Variants in IQCH observed in about 807,000 individuals in gnomAD.
IQCH encodes IQ motif containing H, also known as IQ domain-containing protein H.
In IQCH, 98 loss-of-function variants were observed where a neutral mutation model predicts 117.0. That is an observed-to-expected ratio of 0.84 (90% confidence interval 0.71 to 0.99). The LOEUF (loss-of-function observed/expected upper bound fraction) is 0.99, where lower values mean the gene tolerates loss of function less well. Ranked by LOEUF, IQCH falls within the 50% of genes least tolerant of loss-of-function variation. The probability of loss-of-function intolerance (pLI) is 0.00; values close to 1 mark genes in which losing one functional copy is unlikely to be tolerated. For synonymous variants in IQCH, 412 were observed against 448.2 expected (o/e 0.92, Z 1.02); for missense variants, 1,102 against 1,243.8 (o/e 0.89, Z 1.72).
chr15:67,460,310 A>G (rs971927422), intron 16 of IQCH, among the ~76,000 whole-genome samples: 3 of 152,316 alleles, frequency 2.0e-5, no homozygotes, highest in African/African-American at 7.2e-5. Context: ...TGCTAATGTT[A>G]ACACTGGCTG....
At position 67,500,112 on chromosome 15, in the gene IQCH, A is replaced by G. The variant is rs892959651; in HGVS notation, c.2971-521A>G. On this transcript the variant is annotated intron_variant, in intron 20 of 20. Coordinates refer to ENST00000335894, the MANE Select transcript of IQCH (RefSeq NM_001031715.3). The surrounding 1 kb of genome is among the most constrained non-coding windows in gnomAD (Gnocchi z 4.4). ...ACTTTATAAGGGTGAATTTTATGGTATGGGAATTGTACTTCAATAAAATAT... is the reference window on the plus strand; with the variant it reads ...ACTTTATAAGGGTGAATTTTATGGTGTGGGAATTGTACTTCAATAAAATAT... 6.6e-6 allele frequency among the ~76,000 whole-genome samples: 1 copy of G among 152,204 alleles called. No individual in the cohort carries two copies. Among genetic ancestry groups the G allele is most frequent in the Non-Finnish European group, 1.5e-5 (1 of 68,026 alleles).
chr15:67,360,897 C>T (rs1304369054), intron 8 of IQCH, among the ~76,000 whole-genome samples: 1 of 152,242 alleles, frequency 6.6e-6, no homozygotes, highest in Non-Finnish European at 1.5e-5. Flanking sequence ...CTCTTACGTC[C>T]CTTGACGTCT....
chr15:67,423,307 T>C (rs976352432), intron 16 of IQCH, among the ~76,000 whole-genome samples: 2 of 152,116 alleles, frequency 1.3e-5, no homozygotes, highest in East Asian at 3.9e-4. Context: ...GGCTCATGCC[T>C]GTAATCCCAG....
In IQCH at chr15:67,416,964, G is replaced by A; in HGVS notation, c.2131G>A (p.Ala711Thr). Residue 711 changes from alanine to threonine, a missense_variant, in exon 15 of 21, where the codon GCG becomes ACG. Ala to Thr is a moderately conservative substitution (Grantham distance 58). Transcript: ENST00000335894. The surrounding 1 kb of genome is among the most constrained non-coding windows in gnomAD (Gnocchi z 5.1). ...PALVKISEEL[A>T]GILAQHAQPV... ...TTTGGTGAAGATCTCTGAGGAGCTG[G>A]CGGGCATTTTAGCACAGCACGCACA... is the stretch of plus-strand genomic sequence containing the variant. The A allele has an allele frequency of 2.5e-6, 4 of 1,608,280 alleles. No homozygotes were observed. Among genetic ancestry groups the A allele is most frequent in the Non-Finnish European group, 2.5e-6 (3 of 1,177,494 alleles).
At position 67,386,442 on chromosome 15, in the gene IQCH, T is replaced by C. The variant is rs577003849; in HGVS notation, c.1456+1423T>C. ...TTCTTGGTATATAGTCTTCATGATA[T>C]AGCAAGGCAATCATAAAAAGTCTTC... On this transcript the variant is annotated intron_variant, in intron 11 of 20. Coordinates refer to ENST00000335894, the MANE Select transcript of IQCH (RefSeq NM_001031715.3). The surrounding 1 kb of genome is among the most constrained non-coding windows in gnomAD (Gnocchi z 5.0). Among the ~76,000 whole-genome samples, 3 of 152,328 alleles carry C rather than the reference T, an allele frequency of 2.0e-5. No individual in the cohort carries two copies. Among genetic ancestry groups the C allele is most frequent in the East Asian group, 3.9e-4 (2 of 5,192 alleles).
chr15:67,261,755 T>C (rs945849503), intron 2 of IQCH, among the ~76,000 whole-genome samples: 7 of 152,140 alleles, frequency 4.6e-5, no homozygotes, highest in Non-Finnish European at 7.3e-5. Context: ...GCCTGACCAA[T>C]ATATTGCAGA....
At chr15:67,312,348 GA>G in intron 4 of IQCH, among the ~76,000 whole-genome samples, 2 of 152,222 alleles carry the variant, frequency 1.3e-5, no homozygotes, top group Middle Eastern at 3.4e-3. Context: ...ATTATTCTGA[GA>G]AGGGGTCTGT....
intron 15 of IQCH, among the ~76,000 whole-genome samples, chr15:67,418,057 G>A (rs2081620930): frequency 6.6e-6 from 1 of 152,076 alleles, no homozygotes; most frequent in South Asian, 2.1e-4. Flanking sequence ...TATGAGGTGG[G>A]CACCATTATC....
In IQCH at chr15:67,384,896, C is replaced by T; in HGVS notation, c.1373-40C>T. 1 of 1,263,530 alleles carries T rather than the reference C, an allele frequency of 7.9e-7. No individual in the cohort carries two copies. Among genetic ancestry groups the T allele is most frequent in the Non-Finnish European group, 1.2e-6 (1 of 861,684 alleles). The allele number at this position is 1,263,530 out of a possible 1,614,324, so 78.3% of individuals were successfully genotyped here. ...CTCTTGTGCCATTTTGCTATATCGACTTGCTCTTTCTGTGTTTTGACACCT... is the reference window on the plus strand; with the variant it reads ...CTCTTGTGCCATTTTGCTATATCGATTTGCTCTTTCTGTGTTTTGACACCT... On this transcript the variant is annotated intron_variant, in intron 10 of 20. Transcript: ENST00000335894. This position sits in a 1 kb window ranked among gnomAD's most constrained non-coding sequence, Gnocchi z 4.3.
chr15:67,462,924 A>G (rs1471275843), intron 16 of IQCH, among the ~76,000 whole-genome samples: 1 of 152,232 alleles, frequency 6.6e-6, no homozygotes, highest in Non-Finnish European at 1.5e-5. Flanking sequence ...TACAACTGCA[A>G]CAGATACTTG....
chr15:67,294,108 T>C (rs1966839797), intron 4 of IQCH, among the ~76,000 whole-genome samples: 2 of 152,186 alleles, frequency 1.3e-5, no homozygotes, highest in African/African-American at 4.8e-5. Flanking sequence ...AAGGGCATCA[T>C]CTTGAAAATC....
At position 67,494,277 on chromosome 15, in the gene IQCH, C is replaced by G; in HGVS notation, c.2881C>G (p.Gln961Glu). The G allele has an allele frequency of 6.2e-7, 1 of 1,610,994 alleles. No homozygotes were observed. The change falls in exon 20 of 21, where the codon CAG (glutamine) becomes GAG (glutamate). Residue 961 changes from glutamine to glutamate, a missense_variant. By Grantham distance (29) the Gln-to-Glu change is conservative. Transcript: ENST00000335894. This position sits in a 1 kb window ranked among gnomAD's most constrained non-coding sequence, Gnocchi z 5.5. Reference protein sequence around the residue: ...LGMLTIGEDLQGVLMTFARHL... With the variant: ...LGMLTIGEDLEGVLMTFARHL... ...TAACAGAACAATCGGCGAGGATCTC[C>G]AGGGGGTCCTCATGACCTTTGCTCG...
At chr15:67,331,922 G>A (rs1968683484) in intron 4 of IQCH, among the ~76,000 whole-genome samples, 1 of 152,174 alleles carries the variant, frequency 6.6e-6, no homozygotes, top group Non-Finnish European at 1.5e-5. Flanking sequence ...TTATTGGCTG[G>A]AATTTGGTCA....
intron 4 of IQCH, among the ~76,000 whole-genome samples, chr15:67,296,078 G>T (rs1166765701): frequency 1.3e-5 from 2 of 152,306 alleles, no homozygotes; most frequent in Middle Eastern, 3.4e-3. Flanking sequence ...TGTGCTTATT[G>T]TCTGATTCCT....
intron 5 of IQCH, among the ~76,000 whole-genome samples, chr15:67,338,078 C>T (rs1229475045): frequency 2.6e-5 from 4 of 152,152 alleles, no homozygotes; most frequent in African/African-American, 9.7e-5. Flanking sequence ...ATATTTACTT[C>T]CTGGGAATAC....
chr15:67,322,582 G>A (rs935349165), intron 4 of IQCH, among the ~76,000 whole-genome samples: 37 of 152,146 alleles, frequency 2.4e-4, no homozygotes, highest in African/African-American at 8.2e-4. Context: ...CCTGGGCCTT[G>A]CTCAGCCCTG....
intron 1 of IQCH, among the ~76,000 whole-genome samples, chr15:67,255,738 G>A (rs1439693239): frequency 1.3e-5 from 2 of 152,174 alleles, no homozygotes; most frequent in African/African-American, 4.8e-5. Flanking sequence ...GGTCTTACTC[G>A]TCAAAGGGAT....
chr15:67,254,817 T>G lies in IQCH; in HGVS notation c.-80T>G. 1 of 1,486,574 alleles carries G rather than the reference T, an allele frequency of 6.7e-7. No individual in the cohort carries two copies. The highest frequency in any genetic ancestry group is 9.2e-7 in the Non-Finnish European group (1 of 1,081,174). 92.1% of individuals were successfully genotyped at this position (1,486,574 alleles called of 1,614,324 possible). ...GGCCAGGTCGCGCGCGGTGTTGCCA[T>G]GGGGACGAGCGGCTCCGGCTGAAGG... On this transcript the variant is annotated 5_prime_UTR_variant, in exon 1 of 21. It removes an upstream start codon present in the reference 5' UTR. Transcript: ENST00000335894.
intron 16 of IQCH, among the ~76,000 whole-genome samples, chr15:67,462,552 C>T (rs913793745): frequency 6.6e-6 from 1 of 152,032 alleles, no homozygotes; most frequent in African/African-American, 2.4e-5. Flanking sequence ...GCTCCTTTTA[C>T]ACTTAAGGAT....
Sources: allele counts gnomAD v4.1 joint callset (sites outside exome capture counted in the v4.1 genomes callset), GRCh38; gene constraint gnomAD v4.1.1; non-coding constraint Gnocchi (gnomAD v3.1); transcripts MANE v1.5; gene names NCBI Gene and HGNC (gene_info 2026-07-23, HGNC 2026-07-21).